THSD7B: variants seen among roughly 807,000 people sequenced by gnomAD.
The protein encoded by THSD7B is thrombospondin type 1 domain containing 7B, also known as thrombospondin type-1 domain-containing protein 7B.
Under a neutral mutation model 213.6 loss-of-function variants are expected in THSD7B, and 138 were observed. The ratio of observed to expected loss-of-function variants is 0.65; its 90% CI spans 0.56 to 0.74. The LOEUF (loss-of-function observed/expected upper bound fraction) is 0.74. Ranked by LOEUF, THSD7B falls within the 30% of genes least tolerant of loss-of-function variation. The probability of loss-of-function intolerance (pLI) is 0.00; values close to 1 mark genes in which losing one functional copy is unlikely to be tolerated. For synonymous variants in THSD7B, 742 were observed against 687.0 expected (o/e 1.08, Z -1.25); for missense variants, 1,931 against 1,991.5 (o/e 0.97, Z 0.58).
At chr2:137,389,240 G>T (rs570880329) in intron 12 of THSD7B, among the ~76,000 whole-genome samples, 143 of 137,152 alleles carry the variant, frequency 1.0e-3, no homozygotes, top group Admixed American at 2.2e-3. Context: ...TATATATATA[G>T]AGAGAGTTTT....
At chr2:136,948,694 AAATT>A (rs1684985242) in intron 2 of THSD7B, among the ~76,000 whole-genome samples, 1 of 152,196 alleles carries the variant, frequency 6.6e-6, no homozygotes, top group Non-Finnish European at 1.5e-5. Flanking sequence ...AAAATAGCTA[AAATT>A]AATTGAGCAC....
chr2:137,264,984 C>G (rs918196982), intron 10 of THSD7B, among the ~76,000 whole-genome samples: 33 of 152,082 alleles, frequency 2.2e-4, no homozygotes, highest in African/African-American at 5.8e-4. Flanking sequence ...CCTCTCCCCC[C>G]ACGCCACAAC....
intron 2 of THSD7B, among the ~76,000 whole-genome samples, chr2:137,055,075 T>A (rs1163601520): frequency 1.3e-5 from 2 of 152,186 alleles, no homozygotes; most frequent in East Asian, 3.8e-4. Flanking sequence ...GATGATGGTT[T>A]CCAGCTTCAT....
intron 2 of THSD7B, among the ~76,000 whole-genome samples, chr2:136,994,272 A>T (rs1018846715): frequency 6.6e-6 from 1 of 152,234 alleles, no homozygotes; most frequent in African/African-American, 2.4e-5. Flanking sequence ...TGAAAATCTA[A>T]GAAAGCCTAT....
intron 12 of THSD7B, among the ~76,000 whole-genome samples, chr2:137,403,406 C>T (rs958088847): frequency 6.6e-6 from 1 of 152,224 alleles, no homozygotes; most frequent in African/African-American, 2.4e-5. Flanking sequence ...CATATGTACA[C>T]TTACCCTACA....
intron 3 of THSD7B, among the ~76,000 whole-genome samples, chr2:137,058,652 G>A (rs1404161976): frequency 6.6e-6 from 1 of 152,078 alleles, no homozygotes; most frequent in African/African-American, 2.4e-5. Flanking sequence ...AGTTCAAATT[G>A]TGTTCCCCTC....
intron 4 of THSD7B, among the ~76,000 whole-genome samples, chr2:137,105,221 G>A (rs774692547): frequency 1.3e-5 from 2 of 152,168 alleles, no homozygotes; most frequent in Non-Finnish European, 2.9e-5. Flanking sequence ...GATCAAGTCA[G>A]CTTCATCCCA....
intron 12 of THSD7B, among the ~76,000 whole-genome samples, chr2:137,330,656 G>T (rs1004456084): frequency 6.6e-6 from 1 of 152,018 alleles, no homozygotes; most frequent in Non-Finnish European, 1.5e-5. Flanking sequence ...TCATGGTCTC[G>T]CTGGCTTCAG....
At chr2:137,253,784 A>C (rs1313950155) in intron 10 of THSD7B, among the ~76,000 whole-genome samples, 1 of 152,086 alleles carries the variant, frequency 6.6e-6, no homozygotes, top group Admixed American at 6.6e-5. Flanking sequence ...AAAAAGAATA[A>C]ATTAGTTATT....
intron 4 of THSD7B, among the ~76,000 whole-genome samples, chr2:137,111,095 A>G (rs1178929581): frequency 1.3e-5 from 2 of 152,224 alleles, no homozygotes; most frequent in Non-Finnish European, 2.9e-5. Context: ...AGACATGACT[A>G]TCTCCTGAAA....
At chr2:137,133,537 G>A (rs987785114) in intron 5 of THSD7B, among the ~76,000 whole-genome samples, 11 of 152,088 alleles carry the variant, frequency 7.2e-5, no homozygotes, top group South Asian at 2.1e-4. Flanking sequence ...TAAAGTTGGC[G>A]TGGGAGTGGG....
chr2:136,974,728 C>G (rs1212489836), intron 2 of THSD7B, among the ~76,000 whole-genome samples: 7 of 152,110 alleles, frequency 4.6e-5, no homozygotes, highest in Admixed American at 4.6e-4. Flanking sequence ...AATGAGATTG[C>G]TGGGCCAAAT....
intron 13 of THSD7B, among the ~76,000 whole-genome samples, chr2:137,406,686 A>G (rs1686526590): frequency 6.6e-6 from 1 of 152,222 alleles, no homozygotes; most frequent in South Asian, 2.1e-4. Flanking sequence ...AATCACCATT[A>G]TGGATTTAAG....
At chr2:137,216,454 GTT>G (rs1213276132) in intron 7 of THSD7B, among the ~76,000 whole-genome samples, 1 of 152,028 alleles carries the variant, frequency 6.6e-6, no homozygotes, top group Non-Finnish European at 1.5e-5. Context: ...ATAGAAATTA[GTT>G]TTGACAGGCT....
intron 2 of THSD7B, among the ~76,000 whole-genome samples, chr2:136,891,874 G>T (rs1238683030): frequency 6.6e-6 from 1 of 152,166 alleles, no homozygotes; most frequent in Non-Finnish European, 1.5e-5. Flanking sequence ...TGGGTCATTA[G>T]GCCCTGCTAA....
At chr2:137,419,945 C>T (rs756551125) in intron 14 of THSD7B, among the ~76,000 whole-genome samples, 12 of 152,018 alleles carry the variant, frequency 7.9e-5, no homozygotes, top group Non-Finnish European at 1.8e-4. Context: ...GACTTTATGT[C>T]TCTTGAATAT....
chr2:137,517,729 G>T (rs375237329), intron 15 of THSD7B, among the ~76,000 whole-genome samples: 1 of 152,170 alleles, frequency 6.6e-6, no homozygotes, highest in African/African-American at 2.4e-5. Context: ...ATCCAATGGT[G>T]CTGGAGGTAT....
At chr2:136,878,793 T>C (rs1290990223) in intron 1 of THSD7B, among the ~76,000 whole-genome samples, 1 of 152,218 alleles carries the variant, frequency 6.6e-6, no homozygotes, top group Non-Finnish European at 1.5e-5. Context: ...TTTGTTTGAG[T>C]TCTTTGTAGA....
At chr2:137,418,137 A>G (rs556018559) in intron 14 of THSD7B, among the ~76,000 whole-genome samples, 1 of 152,264 alleles carries the variant, frequency 6.6e-6, no homozygotes, top group Admixed American at 6.5e-5. Flanking sequence ...TTCATATAAT[A>G]TTGCTGTGTT....
Sources: allele counts gnomAD v4.1 joint callset (sites outside exome capture counted in the v4.1 genomes callset), GRCh38; gene constraint gnomAD v4.1.1; transcripts MANE v1.5; gene names NCBI Gene and HGNC (gene_info 2026-07-23, HGNC 2026-07-21).